PTPRA: variants seen among roughly 807,000 people sequenced by gnomAD.
The protein encoded by PTPRA is receptor-type tyrosine-protein phosphatase alpha.
A neutral mutation model predicts 104.8 loss-of-function variants in PTPRA; 25 were observed. That is an observed-to-expected ratio of 0.24 (90% CI 0.17 to 0.33). PTPRA has a LOEUF of 0.33. Among genes scored for constraint, PTPRA ranks in the 10% least tolerant of loss-of-function variants. The pLI, the probability that PTPRA is intolerant of heterozygous loss-of-function variation, is 1.00. For synonymous variants in PTPRA, 323 were observed against 368.9 expected (o/e 0.88, Z 1.43); for missense variants, 765 against 1,015.3 (o/e 0.75, Z 3.35).
chr20:2,964,016 G>A (rs2061855388), intron 3 of PTPRA, among the ~76,000 whole-genome samples: 3 of 151,960 alleles, frequency 2.0e-5, no homozygotes, highest in South Asian at 2.1e-4. Flanking sequence ...CTCCATCCTG[G>A]GCAACAGAGC....
chr20:2,936,050 G>A (rs1379656497), intron 2 of PTPRA, among the ~76,000 whole-genome samples: 1 of 151,978 alleles, frequency 6.6e-6, no homozygotes, highest in Non-Finnish European at 1.5e-5. Context: ...GTAGAGACAG[G>A]GTCTCACAAT....
chr20:2,960,031 A>G (rs553147621), intron 3 of PTPRA, among the ~76,000 whole-genome samples: 1 of 152,204 alleles, frequency 6.6e-6, no homozygotes, highest in Non-Finnish European at 1.5e-5. Flanking sequence ...CATTATCCAC[A>G]TCCTACACCA....
intron 3 of PTPRA, 116 bp downstream of exon 3, chr20:2,948,140 G>A: frequency 2.3e-6 from 1 of 429,314 alleles, no homozygotes; most frequent in Non-Finnish European, 4.2e-6. Flanking sequence ...GGGTGGGGGT[G>A]CATAGTAAAG....
chr20:2,866,649 T>C, the PTPRA span: 4 of 1,583,180 alleles, frequency 2.5e-6, no homozygotes, highest in African/African-American at 4.0e-5. Context: ...CCATAGTTCA[T>C]CCAGCTCCTC....
At chr20:2,912,189 G>A (rs913413551) in intron 1 of PTPRA, among the ~76,000 whole-genome samples, 1 of 151,942 alleles carries the variant, frequency 6.6e-6, no homozygotes. Context: ...TGAGGCTACA[G>A]TGAGCCGAGA....
chr20:2,953,277 CAG>C (rs1036308351), intron 3 of PTPRA, among the ~76,000 whole-genome samples: 37 of 150,982 alleles, frequency 2.5e-4, no homozygotes, highest in African/African-American at 9.0e-4. Context: ...TTTTTTGAGG[CAG>C]AGTCTCACTC....
At chr20:2,893,699 A>G (rs924911974) in intron 1 of PTPRA, among the ~76,000 whole-genome samples, 9 of 152,042 alleles carry the variant, frequency 5.9e-5, no homozygotes, top group Middle Eastern at 3.4e-3. Context: ...GAAATCTTTC[A>G]CTCTGCCTTT....
intron 1 of PTPRA, among the ~76,000 whole-genome samples, chr20:2,879,248 AG>A (rs1327914554): frequency 1.3e-5 from 2 of 152,222 alleles, no homozygotes; most frequent in Non-Finnish European, 2.9e-5. Context: ...TTGGTAGCTC[AG>A]GGCAGCGCTT....
chr20:2,879,562 A>G (rs909369842), intron 1 of PTPRA, among the ~76,000 whole-genome samples: 4 of 152,118 alleles, frequency 2.6e-5, no homozygotes, highest in African/African-American at 9.7e-5. Flanking sequence ...AGGGTTGCAA[A>G]TGCCCCACCC....
Position 3,021,391 on chromosome 20 carries a change from T to C in PTPRA, c.1124T>C (p.Leu375Pro). 1 of 1,614,128 alleles carries C rather than the reference T, an allele frequency of 6.2e-7. No homozygotes were observed. The highest frequency in any genetic ancestry group is 1.1e-5 in the South Asian group (1 of 91,090). The part of the protein sequence containing the change: ...IRVSVEDVTV[L>P]VDYTVRKFCI... ...GTGTCTGTAGAGGATGTGACTGTCC[T>C]GGTGGACTACACAGTACGGAAGTTC... The change falls in exon 14 of 24, where the codon CTG becomes CCG. Residue 375 changes from leucine (L) to proline (P), a missense_variant. Coordinates refer to ENST00000399903, the MANE Select transcript of PTPRA (RefSeq NM_001385305.1).
intron 1 of PTPRA, among the ~76,000 whole-genome samples, chr20:2,915,955 C>T (rs1424527074): frequency 6.6e-6 from 1 of 152,200 alleles, no homozygotes; most frequent in Non-Finnish European, 1.5e-5. Context: ...GCCTGGGCCA[C>T]AGAGCGAAAC....
intron 9 of PTPRA, among the ~76,000 whole-genome samples, chr20:2,992,773 C>T (rs1015338931): frequency 3.9e-5 from 6 of 152,194 alleles, no homozygotes; most frequent in African/African-American, 1.2e-4. Context: ...TCAGCAGGAG[C>T]ACTTTCTCTT....
chr20:2,908,421 G>A (rs1375842274), intron 1 of PTPRA, among the ~76,000 whole-genome samples: 1 of 152,144 alleles, frequency 6.6e-6, no homozygotes, highest in Admixed American at 6.5e-5. Flanking sequence ...CCCAGATACA[G>A]AACAGTGAAA....
At chr20:3,011,964 C>T (rs1010435112) in intron 11 of PTPRA, among the ~76,000 whole-genome samples, 3 of 152,174 alleles carry the variant, frequency 2.0e-5, no homozygotes, top group Non-Finnish European at 4.4e-5. Flanking sequence ...CTAGCACAGT[C>T]GTTATCTCAT....
chr20:2,970,304 T>G (rs976665384), intron 5 of PTPRA, among the ~76,000 whole-genome samples: 23 of 152,220 alleles, frequency 1.5e-4, no homozygotes, highest in African/African-American at 5.5e-4. Context: ...TTGCCACATT[T>G]ACCTCTGCTA....
At chr20:2,878,113 T>C (rs1418377725) in intron 1 of PTPRA, among the ~76,000 whole-genome samples, 1 of 152,014 alleles carries the variant, frequency 6.6e-6, no homozygotes, top group African/African-American at 2.4e-5. Flanking sequence ...ATCTTGCCAC[T>C]GTACTCCAGC....
intron 9 of PTPRA, among the ~76,000 whole-genome samples, chr20:2,993,277 G>T (rs1347779575): frequency 6.6e-6 from 1 of 152,200 alleles, no homozygotes; most frequent in Admixed American, 6.5e-5. Context: ...TTATGTTGGA[G>T]GAGATACCCT....
intron 1 of PTPRA, among the ~76,000 whole-genome samples, chr20:2,914,408 C>T (rs548563686): frequency 1.3e-5 from 2 of 151,882 alleles, no homozygotes; most frequent in South Asian, 4.2e-4. Context: ...CACAAACATA[C>T]ATCCACACAC....
intron 2 of PTPRA, among the ~76,000 whole-genome samples, chr20:2,932,719 C>T (rs777700630): frequency 1.3e-5 from 2 of 152,166 alleles, no homozygotes; most frequent in Non-Finnish European, 2.9e-5. Context: ...ATGTTTTCTG[C>T]ACAGCACTGA....
Sources: allele counts gnomAD v4.1 joint callset (sites outside exome capture counted in the v4.1 genomes callset), GRCh38; gene constraint gnomAD v4.1.1; transcripts MANE v1.5; gene names NCBI Gene and HGNC (gene_info 2026-07-23, HGNC 2026-07-21).